Variants in WWP1 observed in about 807,000 individuals in gnomAD.
WWP1 encodes the protein NEDD4-like E3 ubiquitin-protein ligase WWP1.
WWP1 carries 49 observed loss-of-function variants against 130.6 expected under a neutral mutation model. The ratio of observed to expected loss-of-function variants is 0.38; its 90% CI spans 0.30 to 0.48. The LOEUF is 0.48. WWP1 is among the 20% of genes least tolerant of loss of function. The pLI, the probability that WWP1 is intolerant of heterozygous loss-of-function variation, is 0.99. For synonymous variants in WWP1, 332 were observed against 367.8 expected (o/e 0.90, Z 1.11); for missense variants, 809 against 1,100.6 (o/e 0.74, Z 3.75).
intron 11 of WWP1, 81 bp from the exon 12 acceptor site, chr8:86,430,616 C>G: frequency 8.7e-7 from 1 of 1,155,528 alleles, no homozygotes; most frequent in South Asian, 1.6e-5. Flanking sequence ...AAATGTGATT[C>G]TGCCACATGC....
At chr8:86,344,246 T>G (rs141166977) in intron 1 of WWP1, among the ~76,000 whole-genome samples, 138 of 152,338 alleles carry the variant, frequency 9.1e-4, no homozygotes, top group African/African-American at 3.2e-3. Flanking sequence ...GGGACATAGC[T>G]TATCAACATT....
In WWP1 at chr8:86,431,486, C is replaced by G; in HGVS notation, c.1468C>G (p.Gln490Glu). 6.2e-7 allele frequency: 1 copy of G among 1,611,612 alleles called. No homozygotes were observed. Among genetic ancestry groups the G allele is most frequent in the Non-Finnish European group, 8.5e-7 (1 of 1,178,726 alleles). ...KTTQWEDPRT[Q>E]GLQNEEPLPE... ...AACCCAGTGGGAAGATCCAAGAACT[C>G]AAGGGTATGTATATACAGCAGCCTT... The change falls in exon 13 of 25, where the codon CAA becomes GAA. Residue 490 changes from glutamine (Q) to glutamate (E), a missense_variant. By Grantham distance (29) the Gln-to-Glu change is conservative (BLOSUM62 2). Around this residue, in one of 3 missense-constraint regions of WWP1, gnomAD observed 450 missense variants for 674.2 expected, o/e 0.67. Coordinates refer to ENST00000517970, the MANE Select transcript of WWP1 (RefSeq NM_007013.4).
intron 8 of WWP1, among the ~76,000 whole-genome samples, chr8:86,404,873 A>T (rs999279627): frequency 6.6e-6 from 1 of 152,074 alleles, no homozygotes; most frequent in African/African-American, 2.4e-5. Flanking sequence ...ATTCATTTTG[A>T]TGTGTGTGGT....
intron 5 of WWP1, among the ~76,000 whole-genome samples, chr8:86,395,901 A>G (rs184624815): frequency 6.6e-6 from 1 of 152,168 alleles, no homozygotes; most frequent in South Asian, 2.1e-4. Context: ...ATTTACCAAG[A>G]AATACACACT....
intron 1 of WWP1, among the ~76,000 whole-genome samples, chr8:86,351,019 A>T (rs1161341000): frequency 6.6e-6 from 1 of 152,250 alleles, no homozygotes; most frequent in Non-Finnish European, 1.5e-5. Context: ...ATACAGGTTA[A>T]GAGTCACAGT....
At chr8:86,415,080 C>T (rs182081916) in intron 9 of WWP1, among the ~76,000 whole-genome samples, 4 of 152,222 alleles carry the variant, frequency 2.6e-5, no homozygotes, top group East Asian at 3.9e-4. Flanking sequence ...AGTTCCAGAA[C>T]TGAAGAAGAA....
intron 1 of WWP1, among the ~76,000 whole-genome samples, chr8:86,346,688 A>G (rs534058495): frequency 6.6e-6 from 1 of 152,322 alleles, no homozygotes; most frequent in East Asian, 1.9e-4. Context: ...CTTTGATTTC[A>G]TAATTATTAG....
At chr8:86,363,794 CAAAAAAA>C (rs375454489) in intron 1 of WWP1, among the ~76,000 whole-genome samples, 4 of 57,584 alleles carry the variant, frequency 6.9e-5, no homozygotes, top group African/African-American at 1.3e-4. Flanking sequence ...GACTCCATCT[CAAAAAAA>C]AAAAAAAAAA....
chr8:86,368,152 T>C (rs1824079021), intron 1 of WWP1, among the ~76,000 whole-genome samples: 1 of 152,216 alleles, frequency 6.6e-6, no homozygotes, highest in Non-Finnish European at 1.5e-5. Flanking sequence ...TTACTTCGTG[T>C]CATATACTCT....
At chr8:86,381,371 T>C in intron 4 of WWP1, 134 bp from the exon 5 acceptor site, 2 of 1,119,404 alleles carry the variant, frequency 1.8e-6, no homozygotes, top group South Asian at 3.2e-5. Context: ...TTTCATACAA[T>C]ATTTCTTCTC....
intron 18 of WWP1, among the ~76,000 whole-genome samples, chr8:86,446,868 A>G (rs912195411): frequency 6.6e-6 from 1 of 152,248 alleles, no homozygotes; most frequent in Non-Finnish European, 1.5e-5. Flanking sequence ...TGGAAAGATT[A>G]TCTATAATAA....
chr8:86,364,677 G>A (rs533655799), intron 1 of WWP1, among the ~76,000 whole-genome samples: 131 of 152,100 alleles, frequency 8.6e-4, no homozygotes, highest in African/African-American at 2.8e-3. Flanking sequence ...ATGGTGGTGC[G>A]TGCCTGTAGT....
intron 1 of WWP1, among the ~76,000 whole-genome samples, chr8:86,344,949 A>G (rs16907490): frequency 0.13 from 19,654 of 152,094 alleles, 3,390 homozygotes; most frequent in African/African-American, 0.4. Flanking sequence ...TCCACAGATG[A>G]TTTTGAATTG....
chr8:86,410,557 C>T (rs1263050033), intron 8 of WWP1, among the ~76,000 whole-genome samples: 1 of 152,076 alleles, frequency 6.6e-6, no homozygotes, highest in Non-Finnish European at 1.5e-5. Flanking sequence ...AGGTTCTTCC[C>T]TAGAGATTTC....
intron 5 of WWP1, among the ~76,000 whole-genome samples, chr8:86,389,360 T>A (rs1450264035): frequency 6.6e-6 from 1 of 152,182 alleles, no homozygotes; most frequent in African/African-American, 2.4e-5. Flanking sequence ...TGATGACTCT[T>A]AACGAGTATG....
chr8:86,461,527 G>C (rs1019792333), intron 23 of WWP1: 3 of 626,090 alleles, frequency 4.8e-6, no homozygotes, highest in Non-Finnish European at 8.5e-6. Context: ...GGTGGCCATT[G>C]CTTTGCTCCC....
intron 18 of WWP1, among the ~76,000 whole-genome samples, chr8:86,443,185 ACCT>A: frequency 6.6e-6 from 1 of 152,152 alleles, no homozygotes; most frequent in Admixed American, 6.5e-5. Flanking sequence ...CGATCCTCCC[ACCT>A]CAGCCTCCCA....
intron 23 of WWP1, 141 bp downstream of exon 23, chr8:86,461,461 G>A (rs938190415): frequency 1.2e-5 from 9 of 734,028 alleles, no homozygotes; most frequent in Non-Finnish European, 1.8e-5. Flanking sequence ...AGAAAAATGA[G>A]TGGCTAATAT....
intron 21 of WWP1, among the ~76,000 whole-genome samples, chr8:86,453,463 G>A (rs1032894350): frequency 6.6e-6 from 1 of 152,122 alleles, no homozygotes. Flanking sequence ...CCTTTGTGTG[G>A]CTTCCATCTT....
Sources: allele counts gnomAD v4.1 joint callset (sites outside exome capture counted in the v4.1 genomes callset), GRCh38; gene constraint gnomAD v4.1.1; regional missense constraint gnomAD v4.1.1; transcripts MANE v1.5; gene names NCBI Gene and HGNC (gene_info 2026-07-23, HGNC 2026-07-21).